The following NMNAT2 variants were observed in gnomAD, a reference collection of about 807,000 sequenced individuals.
NMNAT2 encodes the protein nicotinamide nucleotide adenylyltransferase 2.
Under a neutral mutation model 41.6 loss-of-function variants are expected in NMNAT2, and 11 were observed. The ratio of observed to expected loss-of-function variants is 0.26; its 90% CI spans 0.17 to 0.44. The LOEUF (loss-of-function observed/expected upper bound fraction) is 0.44, where lower values mean the gene tolerates loss of function less well. Ranked by LOEUF, NMNAT2 falls within the 20% of genes least tolerant of loss-of-function variation. The pLI, the probability that NMNAT2 is intolerant of heterozygous loss-of-function variation, is 1.00. For synonymous variants in NMNAT2, 148 were observed against 151.2 expected (o/e 0.98, Z 0.16); for missense variants, 288 against 407.7 (o/e 0.71, Z 2.53).
intron 1 of NMNAT2, among the ~76,000 whole-genome samples, chr1:183,391,345 G>T (rs1176367555): frequency 6.6e-6 from 1 of 152,062 alleles, no homozygotes; most frequent in African/African-American, 2.4e-5. Context: ...ACATATAGAT[G>T]AATTGTTGGT....
At chr1:183,389,647 G>A (rs2101920109) in intron 1 of NMNAT2, among the ~76,000 whole-genome samples, 1 of 150,766 alleles carries the variant, frequency 6.6e-6, no homozygotes, top group South Asian at 2.1e-4. Context: ...GAGGTGGGAG[G>A]ATTGCTTGAG....
rs1393768018 is a variant in NMNAT2, at chr1:183,250,727, A to G, written c.*1914T>C. The G allele has an allele frequency of 6.6e-6, 1 of 152,634 alleles. No homozygotes were observed. Among genetic ancestry groups the G allele is most frequent in the African/African-American group, 2.4e-5 (1 of 41,452 alleles). The allele number at this position is 152,634 out of a possible 1,614,324, so 9.5% of individuals were successfully genotyped here. ...CCTAGTCAAACACTGATACCCCAAA[A>G]TAGGATTTTCCTTCCTTCCTCTGAA... On this transcript the variant is annotated 3_prime_UTR_variant, in exon 11 of 11. Coordinates refer to ENST00000287713, the MANE Select transcript of NMNAT2 (RefSeq NM_015039.4).
Position 183,252,574 on chromosome 1 carries a change from G to T in NMNAT2, c.*67C>A. On this transcript the variant is annotated 3_prime_UTR_variant, in exon 11 of 11. Transcript: ENST00000287713. ...AGACGAGGAGATGGAGAAACAGAGA[G>T]GCAGGAGAGAAACAGGGGGCTGACA... 9.1e-7 allele frequency: 1 copy of T among 1,097,422 alleles called. No individual in the cohort carries two copies. Among genetic ancestry groups the T allele is most frequent in the Non-Finnish European group, 1.4e-6 (1 of 708,130 alleles). The allele number at this position is 1,097,422 out of a possible 1,614,324, so 68.0% of individuals were successfully genotyped here.
intron 10 of NMNAT2, among the ~76,000 whole-genome samples, chr1:183,257,844 A>G (rs1196054635): frequency 7.0e-6 from 1 of 143,866 alleles, no homozygotes; most frequent in Non-Finnish European, 1.5e-5. Flanking sequence ...TGGTTTTTCT[A>G]TTCTCTATTT....
chr1:183,287,094 C>T (rs75525838), intron 4 of NMNAT2, among the ~76,000 whole-genome samples: 221 of 152,192 alleles, frequency 1.5e-3, no homozygotes, highest in Non-Finnish European at 2.5e-3. Flanking sequence ...AGGAGTCTAA[C>T]CATATATCTG....
At chr1:183,350,437 G>T (rs996334519) in intron 1 of NMNAT2, among the ~76,000 whole-genome samples, 2 of 152,076 alleles carry the variant, frequency 1.3e-5, no homozygotes, top group African/African-American at 4.8e-5. Context: ...AAGAAAGAAG[G>T]GGCCCTCCTT....
chr1:183,383,580 C>T (rs1435376274), intron 1 of NMNAT2, among the ~76,000 whole-genome samples: 4 of 152,216 alleles, frequency 2.6e-5, no homozygotes, highest in Non-Finnish European at 5.9e-5. Context: ...CTGTTAGATG[C>T]AGCCAGGCTA....
In NMNAT2 at chr1:183,307,983, T is replaced by C. The variant is rs866264500; in HGVS notation, c.86-14190A>G. Among the ~76,000 whole-genome samples, 10 of 152,236 alleles carry C rather than the reference T, an allele frequency of 6.6e-5. 1 individual carries two copies. The Middle Eastern group carries it at 0.02, about 311-fold the overall frequency. On this transcript the variant is annotated intron_variant, in intron 1 of 10. Coordinates refer to ENST00000287713, the MANE Select transcript of NMNAT2 (RefSeq NM_015039.4). ...GGACTTTAGTGCTTCAGCTGAGGTG[T>C]GTTTGGATGATGGATGGGGGAGAGC...
chr1:183,418,355 C>T lies in NMNAT2; in HGVS notation c.-88G>A. On this transcript the variant is annotated 5_prime_UTR_variant, in exon 1 of 11. Coordinates refer to ENST00000287713, the MANE Select transcript of NMNAT2 (RefSeq NM_015039.4). The stretch of plus-strand genomic sequence containing the variant: ...TGCAGAGGGAGAAAGGAAGGCGAGG[C>T]TCCGGCGGTGGATGCTGTGGACTCC... The T allele has an allele frequency of 8.3e-6, 11 of 1,323,494 alleles. No homozygotes were observed. In the South Asian group the frequency reaches 1.2e-4, roughly 14 times the overall value. 82.0% of individuals were successfully genotyped at this position (1,323,494 alleles called of 1,614,324 possible).
intron 3 of NMNAT2, among the ~76,000 whole-genome samples, chr1:183,291,044 G>A (rs542999900): frequency 3.9e-5 from 6 of 152,268 alleles, no homozygotes; most frequent in African/African-American, 1.4e-4. Flanking sequence ...AGCCTCCTGA[G>A]TAGCTGAGAC....
At chr1:183,393,549 C>A (rs1293986166) in intron 1 of NMNAT2, among the ~76,000 whole-genome samples, 1 of 152,008 alleles carries the variant, frequency 6.6e-6, no homozygotes, top group Non-Finnish European at 1.5e-5. Context: ...ACTTCACTAT[C>A]CTAATTTGGC....
At chr1:183,300,724 C>T (rs896615285) in intron 1 of NMNAT2, among the ~76,000 whole-genome samples, 3 of 152,206 alleles carry the variant, frequency 2.0e-5, no homozygotes, top group African/African-American at 7.2e-5. Context: ...AATTATAGAA[C>T]ACTGCAATTT....
intron 10 of NMNAT2, among the ~76,000 whole-genome samples, chr1:183,259,930 C>T (rs951017900): frequency 4.6e-5 from 7 of 152,182 alleles, no homozygotes; most frequent in South Asian, 2.1e-4. Context: ...CTGACACTTA[C>T]GTGTTCGTGG....
intron 1 of NMNAT2, among the ~76,000 whole-genome samples, chr1:183,333,429 T>G (rs936406329): frequency 3.9e-5 from 6 of 152,204 alleles, no homozygotes; most frequent in African/African-American, 1.4e-4. Context: ...AAGATAATCC[T>G]GATTATTTAA....
intron 1 of NMNAT2, among the ~76,000 whole-genome samples, chr1:183,404,014 T>C (rs1320003789): frequency 6.6e-6 from 1 of 152,072 alleles, no homozygotes; most frequent in Middle Eastern, 3.2e-3. Context: ...ATCAAAGATA[T>C]CTGCAGCTAC....
chr1:183,310,424 C>G (rs1034068087), intron 1 of NMNAT2, among the ~76,000 whole-genome samples: 2 of 152,156 alleles, frequency 1.3e-5, no homozygotes, highest in East Asian at 3.9e-4. Flanking sequence ...ATAATTATTC[C>G]TCTTTCCTTC....
chr1:183,284,628 C>T (rs1661353421), intron 6 of NMNAT2, 82 bp downstream of exon 6: 2 of 1,206,062 alleles, frequency 1.7e-6, no homozygotes, highest in South Asian at 1.2e-5. Flanking sequence ...GGGGAATGTG[C>T]TTGAGGATCT....
intron 1 of NMNAT2, among the ~76,000 whole-genome samples, chr1:183,328,752 G>C (rs1212862505): frequency 1.3e-5 from 2 of 152,222 alleles, no homozygotes; most frequent in Non-Finnish European, 2.9e-5. Context: ...AATCTACAGA[G>C]TCTCCTAGCC....
intron 1 of NMNAT2, among the ~76,000 whole-genome samples, chr1:183,300,289 C>A (rs1448738214): frequency 6.6e-6 from 1 of 152,050 alleles, no homozygotes; most frequent in African/African-American, 2.4e-5. Context: ...GTAGTCCCAG[C>A]TACTTGGGAG....
Sources: allele counts gnomAD v4.1 joint callset (sites outside exome capture counted in the v4.1 genomes callset), GRCh38; gene constraint gnomAD v4.1.1; transcripts MANE v1.5; gene names NCBI Gene and HGNC (gene_info 2026-07-23, HGNC 2026-07-21).